The following PRR11 variants were observed in gnomAD, a reference collection of about 807,000 sequenced individuals.
PRR11 encodes proline-rich protein 11.
A neutral mutation model predicts 45.6 loss-of-function variants in PRR11; 30 were observed. The observed-to-expected ratio is 0.66, with a 90% CI of 0.49 to 0.89. The LOEUF is 0.89. PRR11 is among the 40% of genes least tolerant of loss of function. The pLI is 0.00. For missense variants in PRR11, 373 were observed against 424.8 expected, an observed-to-expected ratio of 0.88 and a Z score of 1.07; for synonymous variants, 128 against 153.5, an observed-to-expected ratio of 0.83 and a Z score of 1.23.
chr17:59,200,098 C>T (rs899679281), intron 9 of PRR11, among the ~76,000 whole-genome samples: 1 of 152,158 alleles, frequency 6.6e-6, no homozygotes, highest in African/African-American at 2.4e-5. Flanking sequence ...TGAACAACAA[C>T]AAAAATCACA....
At chr17:59,171,191 A>C (rs992748849) in intron 2 of PRR11, among the ~76,000 whole-genome samples, 9 of 152,152 alleles carry the variant, frequency 5.9e-5, no homozygotes, top group Non-Finnish European at 1.2e-4. Context: ...TGAGCCCGGG[A>C]GGCAGAGCTT....
intron 1 of PRR11, among the ~76,000 whole-genome samples, chr17:59,165,046 A>T (rs2046672541): frequency 6.6e-6 from 1 of 151,716 alleles, no homozygotes; most frequent in Non-Finnish European, 1.5e-5. Context: ...TTTGAGACAG[A>T]GTCTCGCTCC....
intron 4 of PRR11, among the ~76,000 whole-genome samples, chr17:59,192,524 C>T (rs2147853472): frequency 6.6e-6 from 1 of 152,272 alleles, no homozygotes; most frequent in South Asian, 2.1e-4. Flanking sequence ...TACTTTCTCA[C>T]AGTCTGGAAG....
chr17:59,183,034 C>T (rs147335144), intron 2 of PRR11, among the ~76,000 whole-genome samples: 15 of 152,276 alleles, frequency 9.9e-5, no homozygotes, highest in African/African-American at 3.6e-4. Flanking sequence ...CCCAGATGCC[C>T]ATGGAGTCCA....
At chr17:59,189,791 AGTTTGCTGT>A (rs1301287922) in intron 4 of PRR11, among the ~76,000 whole-genome samples, 1 of 152,170 alleles carries the variant, frequency 6.6e-6, no homozygotes, top group African/African-American at 2.4e-5. Context: ...TTGTCAGAGA[AGTTTGCTGT>A]GGGTGACAAG....
chr17:59,179,330 G>A (rs773456442), intron 2 of PRR11, among the ~76,000 whole-genome samples: 2 of 152,064 alleles, frequency 1.3e-5, no homozygotes, highest in Non-Finnish European at 2.9e-5. Context: ...GGAGTGCAGT[G>A]GTGCCATCAT....
At chr17:59,170,584 T>C (rs1013690101) in intron 2 of PRR11, among the ~76,000 whole-genome samples, 1 of 151,974 alleles carries the variant, frequency 6.6e-6, no homozygotes, top group African/African-American at 2.4e-5. Flanking sequence ...TATTTTTCTT[T>C]TTAAAAAAAA....
At chr17:59,181,907 T>G in intron 2 of PRR11, 1 of 1,173,324 alleles carries the variant, frequency 8.5e-7, no homozygotes, top group South Asian at 1.4e-5. Flanking sequence ...CTCAACCCCA[T>G]GAGCCGCTCC....
intron 4 of PRR11, among the ~76,000 whole-genome samples, chr17:59,191,793 C>A (rs970091853): frequency 1.3e-5 from 2 of 152,106 alleles, no homozygotes; most frequent in Non-Finnish European, 2.9e-5. Context: ...TAAGCAAGGC[C>A]CCTATGTCTC....
chr17:59,197,765 G>T lies in PRR11; in HGVS notation c.990G>T (p.Thr330=), dbSNP rs199806244. 4.3e-6 allele frequency: 7 copies of T among 1,613,574 alleles called. No homozygotes were observed. The highest frequency in any genetic ancestry group is 4.0e-5 in the African/African-American group (3 of 74,908). ...GAACAGGACTGACTCCAGTGATGAC[G>T]CAGGCCTTAAGGAGAAAGTTTCAGG... is the stretch of plus-strand genomic sequence containing the variant. ...ETGTGLTPVM[T]QALRRKFQLA... Residue 330 remains threonine, a synonymous_variant, in exon 9 of 10, where the codon ACG becomes ACT. Coordinates refer to ENST00000262293, the MANE Select transcript of PRR11 (RefSeq NM_018304.4).
At chr17:59,183,833 C>T (rs140125411) in intron 2 of PRR11, among the ~76,000 whole-genome samples, 36 of 152,292 alleles carry the variant, frequency 2.4e-4, no homozygotes, top group Non-Finnish European at 4.6e-4. Context: ...CACAGTGGCT[C>T]ATGTTTGTAA....
chr17:59,160,976 A>T (rs1428422482), intron 1 of PRR11: 1 of 150,656 alleles, frequency 6.6e-6, no homozygotes, highest in Non-Finnish European at 1.5e-5. Flanking sequence ...GGCTAAAGGC[A>T]TCCTCCCACC....
At chr17:59,184,183 C>T (rs377063880) in intron 2 of PRR11, among the ~76,000 whole-genome samples, 4 of 151,532 alleles carry the variant, frequency 2.6e-5, no homozygotes, top group African/African-American at 7.3e-5. Flanking sequence ...AGTTCCTGGC[C>T]GGGCTCAGTG....
At chr17:59,192,208 G>A (rs2046843122) in intron 4 of PRR11, among the ~76,000 whole-genome samples, 1 of 152,094 alleles carries the variant, frequency 6.6e-6, no homozygotes, top group Non-Finnish European at 1.5e-5. Context: ...GATAGAGATT[G>A]GAGTGATGCA....
intron 7 of PRR11, among the ~76,000 whole-genome samples, chr17:59,195,974 G>T (rs1177938462): frequency 6.6e-6 from 1 of 151,164 alleles, no homozygotes; most frequent in Non-Finnish European, 1.5e-5. Flanking sequence ...TGTAGTCCCA[G>T]CTACTTGGGA....
chr17:59,156,485 C>T (rs1384732702), intron 1 of PRR11, among the ~76,000 whole-genome samples: 1 of 151,128 alleles, frequency 6.6e-6, no homozygotes, highest in Non-Finnish European at 1.5e-5. Context: ...CAAGAAGAAT[C>T]AATTGGACTG....
At chr17:59,159,401 A>G (rs933222198) in intron 1 of PRR11, among the ~76,000 whole-genome samples, 3 of 152,212 alleles carry the variant, frequency 2.0e-5, no homozygotes, top group South Asian at 2.1e-4. Context: ...GACTTTGAAC[A>G]TAGAACATAA....
chr17:59,185,074 A>C lies in PRR11; in HGVS notation c.149A>C (p.Asp50Ala), dbSNP rs751807931. Residue 50 changes from aspartate (D) to alanine (A), a missense_variant, in exon 3 of 10, where the codon GAT becomes GCT. Transcript: ENST00000262293. ...TACAGAGTCGGTATTTCTTCAATAG[A>C]TATATCTCAAAGCAGAAGCTGGCTA... ...SPERVGISSI[D>A]ISQSRSWLTS... 6.2e-6 allele frequency: 10 copies of C among 1,613,276 alleles called. No individual in the cohort carries two copies. The highest frequency in any genetic ancestry group is 7.6e-6 in the Non-Finnish European group (9 of 1,179,510).
At chr17:59,182,396 T>C (rs987547954) in intron 2 of PRR11, among the ~76,000 whole-genome samples, 1 of 146,840 alleles carries the variant, frequency 6.8e-6, no homozygotes, top group Non-Finnish European at 1.5e-5. Context: ...CTTCTTTTTT[T>C]TTTTTTTTTT....
Sources: allele counts gnomAD v4.1 joint callset (sites outside exome capture counted in the v4.1 genomes callset), GRCh38; gene constraint gnomAD v4.1.1; transcripts MANE v1.5; gene names NCBI Gene and HGNC (gene_info 2026-07-23, HGNC 2026-07-21).